The following LRRTM4 variants were observed in gnomAD, a reference collection of about 807,000 sequenced individuals.
LRRTM4 encodes the protein leucine-rich repeat transmembrane neuronal protein 4.
LRRTM4 carries 25 observed loss-of-function variants against 47.6 expected under a neutral mutation model. The ratio of observed to expected loss-of-function variants is 0.53; its 90% CI spans 0.38 to 0.73. The LOEUF is 0.73. Ranked by LOEUF, LRRTM4 falls within the 30% of genes least tolerant of loss-of-function variation. LRRTM4 has a pLI of 0.00. For synonymous variants in LRRTM4, 311 were observed against 269.5 expected, an observed-to-expected ratio of 1.15 and a Z score of -1.51; for missense variants, 638 against 713.4, an observed-to-expected ratio of 0.89 and a Z score of 1.20.
At chr2:76,898,860 C>T (rs971253820) in intron 3 of LRRTM4, among the ~76,000 whole-genome samples, 1 of 151,326 alleles carries the variant, frequency 6.6e-6, no homozygotes, top group Non-Finnish European at 1.5e-5. Context: ...TATAGTTATA[C>T]TTTTAATTTT....
chr2:76,918,612 C>G (rs554781105), intron 3 of LRRTM4, among the ~76,000 whole-genome samples: 16 of 152,246 alleles, frequency 1.1e-4, no homozygotes, highest in African/African-American at 3.9e-4. Flanking sequence ...TTTAAAAATA[C>G]AGACGAACCC....
chr2:77,266,458 T>C (rs1207006136), intron 3 of LRRTM4, among the ~76,000 whole-genome samples: 1 of 151,996 alleles, frequency 6.6e-6, no homozygotes, highest in East Asian at 1.9e-4. Flanking sequence ...GTCACAATGA[T>C]TAGAAAATAA....
At chr2:76,872,382 G>T (rs1257134907) in intron 3 of LRRTM4, among the ~76,000 whole-genome samples, 1 of 152,034 alleles carries the variant, frequency 6.6e-6, no homozygotes, top group Non-Finnish European at 1.5e-5. Context: ...TGCACGCAAT[G>T]TAATGGTTCT....
chr2:77,469,518 T>A (rs2103989487), intron 3 of LRRTM4, among the ~76,000 whole-genome samples: 1 of 152,262 alleles, frequency 6.6e-6, no homozygotes, highest in Non-Finnish European at 1.5e-5. Context: ...AACACATAAA[T>A]CAGAATTTTG....
intron 3 of LRRTM4, among the ~76,000 whole-genome samples, chr2:77,245,655 T>G (rs1675426189): frequency 1.3e-5 from 2 of 151,446 alleles, no homozygotes; most frequent in African/African-American, 4.9e-5. Flanking sequence ...AGTGTCAACA[T>G]GAAGCAACTT....
intron 3 of LRRTM4, among the ~76,000 whole-genome samples, chr2:77,075,238 C>G (rs897787652): frequency 5.3e-5 from 8 of 152,120 alleles, no homozygotes; most frequent in African/African-American, 1.9e-4. Flanking sequence ...TTGGAAGGAA[C>G]AGTTTTGTTT....
chr2:77,130,970 G>T (rs1671785332), intron 3 of LRRTM4, among the ~76,000 whole-genome samples: 1 of 142,978 alleles, frequency 7.0e-6, no homozygotes, highest in African/African-American at 2.6e-5. Flanking sequence ...AAGTAGCTGG[G>T]ACTACAGGCG....
chr2:76,789,107 T>C (rs1046186518), intron 3 of LRRTM4, among the ~76,000 whole-genome samples: 5 of 152,114 alleles, frequency 3.3e-5, no homozygotes, highest in Non-Finnish European at 7.4e-5. Flanking sequence ...ACTTTAGAGA[T>C]GCTAAGTTCC....
intron 3 of LRRTM4, among the ~76,000 whole-genome samples, chr2:77,406,511 A>G (rs1158085820): frequency 6.6e-6 from 1 of 152,020 alleles, no homozygotes; most frequent in Non-Finnish European, 1.5e-5. Flanking sequence ...TATGTTGCTC[A>G]GGCTGGTCTT....
intron 3 of LRRTM4, among the ~76,000 whole-genome samples, chr2:77,486,997 A>G (rs546211747): frequency 6.9e-4 from 105 of 152,364 alleles, no homozygotes; most frequent in African/African-American, 2.4e-3. Context: ...ATATCGAAAG[A>G]TTGGGTTTCA....
In LRRTM4 at chr2:76,966,457, G is replaced by C. The variant is rs10197446; in HGVS notation, c.1552-217541C>G. 8.9e-3 allele frequency among the ~76,000 whole-genome samples: 1,343 copies of C among 151,436 alleles called. 15 individuals carry two copies. The highest frequency in any genetic ancestry group is 0.03 in the African/African-American group (1,264 of 41,444). On this transcript the variant is annotated intron_variant, in intron 3 of 3. Transcript: ENST00000409884. ...ATTTACAGTTTACTTAGTAATAAAA[G>C]AAACAAATATTGAATCCTTTTCAGA...
In LRRTM4 at chr2:77,362,175, A is replaced by AG. The variant is rs1558707515; in HGVS notation, c.1551+156142_1551+156143insC. Among the ~76,000 whole-genome samples the AG allele has an allele frequency of 7.5e-4, 114 of 151,850 alleles. 2 individuals carry two copies. The highest frequency in any genetic ancestry group is 2.6e-3 in the African/African-American group (106 of 41,300). On this transcript the variant is annotated intron_variant, in intron 3 of 3. Coordinates refer to ENST00000409884, the MANE Select transcript of LRRTM4 (RefSeq NM_001134745.3). ...AAAGAAAGAAAGAAAGAAAGAAAGG[A>AG]AGGAAGGAAGAGTTCTTAATGTCCT...
chr2:77,079,328 T>G (rs1314992192), intron 3 of LRRTM4, among the ~76,000 whole-genome samples: 1 of 152,160 alleles, frequency 6.6e-6, no homozygotes, highest in Non-Finnish European at 1.5e-5. Context: ...TATGAACCAG[T>G]GGCTATTTTT....
chr2:76,844,432 G>T (rs755115182), intron 3 of LRRTM4, among the ~76,000 whole-genome samples: 2 of 152,120 alleles, frequency 1.3e-5, no homozygotes, highest in Non-Finnish European at 2.9e-5. Context: ...ACCGTGCCTG[G>T]CCTCAATAAT....
chr2:77,027,674 T>A (rs1331605833), intron 3 of LRRTM4, among the ~76,000 whole-genome samples: 3 of 152,340 alleles, frequency 2.0e-5, no homozygotes, highest in Admixed American at 1.3e-4. Context: ...TAGTAGTGAA[T>A]TGCCGAAAGG....
intron 3 of LRRTM4, among the ~76,000 whole-genome samples, chr2:77,460,124 C>A (rs766017045): frequency 1.3e-5 from 2 of 152,034 alleles, no homozygotes; most frequent in Non-Finnish European, 2.9e-5. Flanking sequence ...TGAAAGAATG[C>A]CTAAATATCT....
intron 3 of LRRTM4, among the ~76,000 whole-genome samples, chr2:77,142,610 T>C (rs564094023): frequency 1.1e-3 from 170 of 152,258 alleles, no homozygotes; most frequent in Non-Finnish European, 2.0e-3. Context: ...CCCCCATAAA[T>C]ATGCAAGACA....
intron 3 of LRRTM4, among the ~76,000 whole-genome samples, chr2:77,427,896 C>A (rs990896482): frequency 6.6e-6 from 1 of 152,204 alleles, no homozygotes; most frequent in Non-Finnish European, 1.5e-5. Flanking sequence ...CATTTACCAA[C>A]TGATACGGTT....
At chr2:77,375,151 G>A (rs1316077840) in intron 3 of LRRTM4, among the ~76,000 whole-genome samples, 2 of 151,434 alleles carry the variant, frequency 1.3e-5, no homozygotes, top group Non-Finnish European at 3.0e-5. Flanking sequence ...ACAAATTTCA[G>A]ATTTCTGCAT....
Sources: gnomAD v4.1 joint callset for allele counts (sites outside exome capture counted in the v4.1 genomes callset) on GRCh38, gnomAD v4.1.1 for gene constraint, MANE v1.5 for transcripts, NCBI Gene and HGNC (gene_info 2026-07-23, HGNC 2026-07-21) for gene names.